Variants in INSL6 observed in about 807,000 individuals in gnomAD.
INSL6 encodes insulin like 6, also known as insulin-like peptide INSL6.
Under a neutral mutation model 9.4 loss-of-function variants are expected in INSL6, and 16 were observed. The observed-to-expected ratio is 1.70, with a 90% CI of 1.15 to 2.59. The LOEUF is 2.59. INSL6 is among the 30% of genes most tolerant of loss of function. The pLI is 0.00. For synonymous variants in INSL6, 154 were observed against 96.9 expected (o/e 1.59, Z -3.46); for missense variants, 391 against 257.3 (o/e 1.52, Z -3.56).
chr9:5,108,451 T>TA, the INSL6 span: 1 of 152,134 alleles, frequency 6.6e-6, no homozygotes, highest in Non-Finnish European at 1.5e-5. Context: ...CTAAATATGC[T>TA]AGTAATGATA....
the INSL6 span, among the ~76,000 whole-genome samples, chr9:5,106,603 A>G: frequency 6.6e-6 from 1 of 152,244 alleles, no homozygotes; most frequent in Non-Finnish European, 1.5e-5. Context: ...ATGCCCATGT[A>G]TGTTTACTGT....
At chr9:5,001,427 T>G in the INSL6 span, among the ~76,000 whole-genome samples, 1 of 152,184 alleles carries the variant, frequency 6.6e-6, no homozygotes, top group African/African-American at 2.4e-5. Flanking sequence ...ATGCTTTTCC[T>G]GCAACAATTG....
the INSL6 span, among the ~76,000 whole-genome samples, chr9:5,068,122 T>C: frequency 6.8e-6 from 1 of 147,620 alleles, no homozygotes; most frequent in Non-Finnish European, 1.5e-5. Context: ...ATTGTGCCAC[T>C]GCACTCCAGC....
the INSL6 span, among the ~76,000 whole-genome samples, chr9:5,096,302 C>G: frequency 6.6e-6 from 1 of 152,284 alleles, no homozygotes; most frequent in East Asian, 1.9e-4. Flanking sequence ...CTTCAAAACC[C>G]TTAGTAAATG....
intron 2 of INSL6, among the ~76,000 whole-genome samples, chr9:5,148,956 AG>A (rs1824656869): frequency 6.6e-6 from 1 of 152,212 alleles, no homozygotes; most frequent in South Asian, 2.1e-4. Flanking sequence ...GACATGCTGC[AG>A]GCCCTGTTCT....
the INSL6 span, among the ~76,000 whole-genome samples, chr9:4,998,987 A>ATT: frequency 7.0e-6 from 1 of 143,872 alleles, no homozygotes; most frequent in African/African-American, 2.5e-5. Context: ...ACGCCCGGCT[A>ATT]TTTTTTTTTT....
chr9:5,122,375 G>A (rs543961479), downstream of INSL6, among the ~76,000 whole-genome samples: 25 of 152,044 alleles, frequency 1.6e-4, no homozygotes, highest in African/African-American at 6.0e-4. Context: ...CTGGTTAACA[G>A]GTTCTTTCTT....
the INSL6 span, among the ~76,000 whole-genome samples, chr9:5,063,067 T>C: frequency 1.3e-5 from 2 of 152,214 alleles, no homozygotes; most frequent in Non-Finnish European, 2.9e-5. Flanking sequence ...AAATACCTTT[T>C]ATAGTTCAAA....
chr9:5,113,191 CTTTTTT>C, the INSL6 span, among the ~76,000 whole-genome samples: 9 of 57,192 alleles, frequency 1.6e-4, no homozygotes, highest in African/African-American at 5.7e-4. Flanking sequence ...CTGGCAGGAG[CTTTTTT>C]TTTTTTTTTT....
At chr9:5,040,954 C>T in the INSL6 span, 1 of 508,046 alleles carries the variant, frequency 2.0e-6, no homozygotes, top group Non-Finnish European at 3.7e-6. Context: ...AGGAAAGAAT[C>T]TCTATACAAA....
intron 2 of INSL6, among the ~76,000 whole-genome samples, chr9:5,141,556 T>G (rs764382760): frequency 6.6e-6 from 1 of 152,032 alleles, no homozygotes; most frequent in South Asian, 2.1e-4. Flanking sequence ...TTTTCCCTTG[T>G]AAATTTAATG....
the INSL6 span, among the ~76,000 whole-genome samples, chr9:5,047,437 T>C: frequency 6.6e-6 from 1 of 152,216 alleles, no homozygotes; most frequent in Admixed American, 6.5e-5. Context: ...CTTTATATCA[T>C]CAAATATGGC....
At chr9:5,041,425 C>T in the INSL6 span, 1 of 626,754 alleles carries the variant, frequency 1.6e-6, no homozygotes, top group East Asian at 3.2e-5. Context: ...GCCACATGTT[C>T]ATGTACTTCC....
At chr9:5,116,059 A>C in the INSL6 span, among the ~76,000 whole-genome samples, 1 of 152,112 alleles carries the variant, frequency 6.6e-6, no homozygotes, top group Non-Finnish European at 1.5e-5. Context: ...AAGTATAATA[A>C]AATTTAAAAA....
intron 1 of INSL6, among the ~76,000 whole-genome samples, chr9:5,165,703 C>T (rs146842709): frequency 1.3e-5 from 2 of 152,234 alleles, no homozygotes; most frequent in African/African-American, 2.4e-5. Context: ...GTAATATGCT[C>T]TAGGTACAAT....
At chr9:5,032,189 C>T in the INSL6 span, among the ~76,000 whole-genome samples, 21 of 152,144 alleles carry the variant, frequency 1.4e-4, no homozygotes, top group African/African-American at 1.9e-4. Flanking sequence ...AAGGTGGCAG[C>T]GAGGCTGGGG....
chr9:5,182,568 G>A (rs1056013699), intron 1 of INSL6, among the ~76,000 whole-genome samples: 5 of 151,934 alleles, frequency 3.3e-5, no homozygotes, highest in Non-Finnish European at 7.4e-5. Context: ...CACATGATAG[G>A]TACTCAAATT....
At chr9:4,994,667 C>G in the INSL6 span, among the ~76,000 whole-genome samples, 3 of 152,182 alleles carry the variant, frequency 2.0e-5, no homozygotes, top group African/African-American at 7.2e-5. Context: ...TGGCTCATGG[C>G]TGTGTTCTCA....
chr9:5,126,876 T>C (rs1824035248), intron 3 of INSL6: 2 of 662,090 alleles, frequency 3.0e-6, no homozygotes, highest in Non-Finnish European at 5.0e-6. Flanking sequence ...TTATTACATA[T>C]ATCATTATTA....
Sources: gnomAD v4.1 joint callset for allele counts (sites outside exome capture counted in the v4.1 genomes callset) on GRCh38, gnomAD v4.1.1 for gene constraint, MANE v1.5 for transcripts, NCBI Gene and HGNC (gene_info 2026-07-23, HGNC 2026-07-21) for gene names.